Variants in ACVR2A observed in about 807,000 individuals in gnomAD.
ACVR2A encodes activin A receptor type 2A, also known as activin receptor type-2A.
ACVR2A carries 7 observed loss-of-function variants against 61.4 expected under a neutral mutation model. That is an observed-to-expected ratio of 0.11 (90% CI 0.06 to 0.21). The LOEUF (loss-of-function observed/expected upper bound fraction) is 0.21, where lower values mean the gene tolerates loss of function less well. Ranked by LOEUF, ACVR2A falls within the 10% of genes least tolerant of loss-of-function variation. ACVR2A has a pLI of 1.00. For synonymous variants in ACVR2A, 193 were observed against 208.3 expected (o/e 0.93, Z 0.63); for missense variants, 322 against 621.7 (o/e 0.52, Z 5.13).
intron 1 of ACVR2A, among the ~76,000 whole-genome samples, chr2:147,880,310 T>TACAG (rs1558800822): frequency 6.6e-6 from 1 of 152,138 alleles, no homozygotes; most frequent in East Asian, 1.9e-4. Context: ...GTATTGGGAT[T>TACAG]ACAGGCATGA....
At chr2:147,926,364 G>T (rs1319170093) in intron 10 of ACVR2A, among the ~76,000 whole-genome samples, 1 of 151,892 alleles carries the variant, frequency 6.6e-6, no homozygotes, top group Non-Finnish European at 1.5e-5. Flanking sequence ...GAGCTTTAGA[G>T]GGCTTTTGTC....
chr2:147,899,718 G>A, intron 3 of ACVR2A, 26 bp from the exon 4 acceptor site: 2 of 1,610,280 alleles, frequency 1.2e-6, no homozygotes, highest in African/African-American at 1.3e-5. Flanking sequence ...CCAAATCTGA[G>A]TTATTTTTCC....
chr2:147,844,780 T>C (rs1423382708), upstream of ACVR2A: 1 of 168,266 alleles, frequency 5.9e-6, no homozygotes, highest in Non-Finnish European at 1.3e-5. Flanking sequence ...CGCCGCCGCC[T>C]CTTCGTCGCC....
At chr2:147,891,666 A>C (rs1476511149) in intron 1 of ACVR2A, among the ~76,000 whole-genome samples, 1 of 152,212 alleles carries the variant, frequency 6.6e-6, no homozygotes, top group African/African-American at 2.4e-5. Context: ...ATGCAACATA[A>C]TCATGTTCAT....
At chr2:147,869,425 C>T (rs143475097) in intron 1 of ACVR2A, among the ~76,000 whole-genome samples, 1 of 152,026 alleles carries the variant, frequency 6.6e-6, no homozygotes, top group African/African-American at 2.4e-5. Flanking sequence ...GTTGTGTTTG[C>T]GTGTGTTTAA....
intron 1 of ACVR2A, among the ~76,000 whole-genome samples, chr2:147,892,771 T>A (rs1360445246): frequency 6.6e-6 from 1 of 151,862 alleles, no homozygotes; most frequent in Non-Finnish European, 1.5e-5. Context: ...AATCTGGTCA[T>A]ACACAGATAC....
intron 1 of ACVR2A, among the ~76,000 whole-genome samples, chr2:147,854,864 A>G (rs1685530851): frequency 6.6e-6 from 1 of 151,786 alleles, no homozygotes; most frequent in Admixed American, 6.6e-5. Flanking sequence ...CACATATCAC[A>G]TCTGTTTACT....
chr2:147,854,079 T>C (rs563858945), intron 1 of ACVR2A, among the ~76,000 whole-genome samples: 1 of 152,266 alleles, frequency 6.6e-6, no homozygotes, highest in South Asian at 2.1e-4. Flanking sequence ...CATTAAAAAA[T>C]ATAGATTTGG....
chr2:147,863,009 A>G (rs1268250109), intron 1 of ACVR2A, among the ~76,000 whole-genome samples: 1 of 152,192 alleles, frequency 6.6e-6, no homozygotes, highest in African/African-American at 2.4e-5. Flanking sequence ...GACTAGCCCT[A>G]CAAGGTAATT....
intron 1 of ACVR2A, among the ~76,000 whole-genome samples, 185 bp downstream of exon 1, chr2:147,845,392 C>T (rs890605898): frequency 2.9e-5 from 4 of 140,166 alleles, no homozygotes; most frequent in African/African-American, 1.0e-4. Context: ...CTGGAAACCT[C>T]CATGCATTTT....
intron 4 of ACVR2A, among the ~76,000 whole-genome samples, chr2:147,912,969 T>TTTG (rs1436228888): frequency 6.6e-6 from 1 of 151,808 alleles, no homozygotes; most frequent in Admixed American, 6.6e-5. Flanking sequence ...ATTGAATAAA[T>TTTG]TATAGTAGGA....
At chr2:147,919,571 T>C (rs1010980872) in intron 7 of ACVR2A, among the ~76,000 whole-genome samples, 1 of 152,164 alleles carries the variant, frequency 6.6e-6, no homozygotes, top group Non-Finnish European at 1.5e-5. Flanking sequence ...GTCATTGGCA[T>C]AGATGTATTT....
chr2:147,848,347 T>C (rs1685366759), intron 1 of ACVR2A, among the ~76,000 whole-genome samples: 1 of 152,052 alleles, frequency 6.6e-6, no homozygotes, highest in Non-Finnish European at 1.5e-5. Flanking sequence ...CAAGCTGGGG[T>C]GAGTCCCCCT....
intron 1 of ACVR2A, among the ~76,000 whole-genome samples, chr2:147,885,341 T>C (rs1040268128): frequency 2.0e-5 from 3 of 152,150 alleles, no homozygotes; most frequent in African/African-American, 7.2e-5. Flanking sequence ...TAGAAGAGCT[T>C]GAAATGATGT....
chr2:147,919,445 G>T (rs149464031), intron 7 of ACVR2A, among the ~76,000 whole-genome samples: 37 of 152,246 alleles, frequency 2.4e-4, no homozygotes, highest in Non-Finnish European at 3.8e-4. Context: ...GTTATTAAGG[G>T]CCTGAAAGTC....
chr2:147,844,537 G>C (rs1258948309), upstream of ACVR2A: 1 of 149,030 alleles, frequency 6.7e-6, no homozygotes, highest in Non-Finnish European at 1.5e-5. Flanking sequence ...AAACGCGGCC[G>C]AGCCCGGAGC....
At chr2:147,865,258 C>T (rs745334826) in intron 1 of ACVR2A, among the ~76,000 whole-genome samples, 5 of 152,058 alleles carry the variant, frequency 3.3e-5, no homozygotes, top group Non-Finnish European at 7.4e-5. Flanking sequence ...TTCCTCTCAC[C>T]GTCCAGTTTC....
intron 1 of ACVR2A, among the ~76,000 whole-genome samples, chr2:147,879,779 G>A (rs1483281782): frequency 6.6e-6 from 1 of 152,190 alleles, no homozygotes; most frequent in Non-Finnish European, 1.5e-5. Context: ...TGTCTGACTT[G>A]TGAATGAAGA....
intron 4 of ACVR2A, among the ~76,000 whole-genome samples, chr2:147,904,622 A>G (rs1686943911): frequency 6.6e-6 from 1 of 152,042 alleles, no homozygotes; most frequent in South Asian, 2.1e-4. Context: ...AATTAGGCAT[A>G]CAAAATAATC....
Sources: gnomAD v4.1 joint callset for allele counts (sites outside exome capture counted in the v4.1 genomes callset) on GRCh38, gnomAD v4.1.1 for gene constraint, MANE v1.5 for transcripts, NCBI Gene and HGNC (gene_info 2026-07-23, HGNC 2026-07-21) for gene names.